Variants in GRID2IP observed in about 807,000 individuals in gnomAD.
GRID2IP encodes Grid2 interacting protein, also known as delphilin.
GRID2IP carries 78 observed loss-of-function variants against 114.3 expected under a neutral mutation model. That is an observed-to-expected ratio of 0.68 (90% CI 0.57 to 0.82). The LOEUF is 0.82. Ranked by LOEUF, GRID2IP falls within the 40% of genes least tolerant of loss-of-function variation. The pLI is 0.00. For synonymous variants in GRID2IP, 809 were observed against 724.0 expected (o/e 1.12, Z -1.89); for missense variants, 1,727 against 1,678.5 (o/e 1.03, Z -0.51).
At position 6,517,060 on chromosome 7, in the gene GRID2IP, C is replaced by CT. The variant is rs762838622; in HGVS notation, c.1269-2532dup. ...ATCTCTTTGTCTTGTGTCTTTCTTT[C>CT]TTTTTTTTTTTTTTGAGACAGTCTG... On this transcript the variant is annotated intron_variant, in intron 7 of 21. Coordinates refer to ENST00000457091, the MANE Select transcript of GRID2IP (RefSeq NM_001145118.2). Among the ~76,000 whole-genome samples the CT allele has an allele frequency of 6.7e-3, 964 of 142,846 alleles. 9 individuals carry two copies. The highest frequency in any genetic ancestry group is 0.019 in the African/African-American group (762 of 39,094). The allele number at this position is 142,846 out of a possible 152,430, so 93.7% of individuals were successfully genotyped here.
chr7:6,503,386 G>C (rs556135435), intron 16 of GRID2IP, 105 bp downstream of exon 16: 20,993 of 1,169,742 alleles, frequency 0.018, 251 homozygotes, highest in Non-Finnish European at 0.022. Flanking sequence ...AGGCTTGGGC[G>C]CAATGGCGGC....
At position 6,520,909 on chromosome 7, in the gene GRID2IP, A is replaced by G; in HGVS notation, c.1085-148T>C. On this transcript the variant is annotated intron_variant, in intron 6 of 21. Transcript: ENST00000457091. The surrounding 1 kb of genome is among the most constrained non-coding windows in gnomAD (Gnocchi z 4.6). ...TGGGAAGGCATGCCTGTGGCCCGAC[A>G]CCGGGGCCAAGGATAGAGGGAGTCA... is the stretch of plus-strand genomic sequence containing the variant. 1.3e-6 allele frequency: 1 copy of G among 740,826 alleles called. No individual in the cohort carries two copies. Among genetic ancestry groups the G allele is most frequent in the South Asian group, 1.8e-5 (1 of 55,036 alleles). The allele number at this position is 740,826 out of a possible 1,614,324, so 45.9% of individuals were successfully genotyped here. A position where few individuals can be genotyped will look rare whatever the true frequency, so the allele number is the denominator to read the frequency against.
At chr7:6,541,238 A>T (rs1779812047) in intron 1 of GRID2IP, among the ~76,000 whole-genome samples, 1 of 152,196 alleles carries the variant, frequency 6.6e-6, no homozygotes, top group African/African-American at 2.4e-5. Flanking sequence ...TGACGGCGTC[A>T]CGGGGTGAAA....
In GRID2IP at chr7:6,508,976, C is replaced by T. The variant is rs373403316; in HGVS notation, c.2109G>A (p.Pro703=). ...RVTIVDDFLT[P]ENDYEEMSFH... ...TGCCCACCTCCTCGTAGTCGTTCTC[C>T]GGGGTCAGGAAATCATCCACGATGG... The change falls in exon 12 of 22, where the codon CCG becomes CCA. Residue 703 remains proline (P), a synonymous_variant. Coordinates refer to ENST00000457091, the MANE Select transcript of GRID2IP (RefSeq NM_001145118.2). The surrounding 1 kb of genome is among the most constrained non-coding windows in gnomAD (Gnocchi z 5.6). The T allele has an allele frequency of 4.2e-4, 652 of 1,547,664 alleles. 5 individuals carry two copies. In the African/African-American group the frequency reaches 8.1e-3, roughly 19 times the overall value.
rs369568761 is a variant in GRID2IP at position 6,497,809 on chromosome 7, G to A, written c.3601C>T (p.Arg1201Cys). 15 of 1,550,116 alleles carry A rather than the reference G, an allele frequency of 9.7e-6. No individual in the cohort carries two copies. Among genetic ancestry groups the A allele is most frequent in the South Asian group, 2.4e-5 (2 of 84,010 alleles). ...AGGGGTGAAACCATCCCGGAGCTGC[G>A]CAGGCCCTCCCCGGCCTGCAGGTCA... is the stretch of plus-strand genomic sequence containing the variant. ...LSDLQAGEGL[R>C]SSGMVSPLAW The change falls in exon 22 of 22, where the codon CGC becomes TGC. Residue 1201 changes from arginine to cysteine, a missense_variant. Physicochemically the swap from Arg to Cys is radical, Grantham distance 180 (BLOSUM62 -3). Coordinates refer to ENST00000457091, the MANE Select transcript of GRID2IP (RefSeq NM_001145118.2).
Position 6,536,890 on chromosome 7 carries a change from G to T in GRID2IP, c.584+2828C>A. The T allele has an allele frequency of 1.5e-6, 1 of 645,698 alleles. No individual in the cohort carries two copies. Among genetic ancestry groups the T allele is most frequent in the South Asian group, 1.6e-5 (1 of 61,794 alleles). 40.0% of individuals were successfully genotyped at this position (645,698 alleles called of 1,614,324 possible). On this transcript the variant is annotated intron_variant, in intron 2 of 21. Transcript: ENST00000457091. This position sits in a 1 kb window ranked among gnomAD's most constrained non-coding sequence, Gnocchi z 5.3. The stretch of plus-strand genomic sequence containing the variant: ...GTCGCCTATGCTCCGCTGCAGAGCC[G>T]AGAGCTGCGCCGGGGCTGGGGTGGG...
intron 1 of GRID2IP, among the ~76,000 whole-genome samples, chr7:6,549,970 C>T (rs1032138830): frequency 9.9e-5 from 15 of 151,814 alleles, no homozygotes; most frequent in Non-Finnish European, 2.2e-4. Context: ...GGCCAAGAAG[C>T]GATATCTGTG....
Position 6,549,515 on chromosome 7 carries a change from G to T in GRID2IP, c.429+1493C>A, listed in dbSNP as rs149924603. 4.2e-3 allele frequency among the ~76,000 whole-genome samples: 647 copies of T among 152,332 alleles called. 8 individuals are homozygous for T. The highest frequency in any genetic ancestry group is 3.9e-3 in the Non-Finnish European group (264 of 68,028). ...GGCAGATTGGTGAAGCCAAACTAGG[G>T]CCTCCTGCAGCCAACAAGCCAGCCA... On this transcript the variant is annotated intron_variant, in intron 1 of 21. Coordinates refer to ENST00000457091, the MANE Select transcript of GRID2IP (RefSeq NM_001145118.2).
intron 4 of GRID2IP, among the ~76,000 whole-genome samples, chr7:6,525,554 A>G (rs559172602): frequency 3.3e-5 from 5 of 152,048 alleles, no homozygotes; most frequent in East Asian, 1.9e-4. Context: ...GCTACACTTG[A>G]GCCTCGGAGA....
chr7:6,513,794 T>A (rs2115061739), intron 8 of GRID2IP, among the ~76,000 whole-genome samples: 1 of 152,152 alleles, frequency 6.6e-6, no homozygotes, highest in African/African-American at 2.4e-5. Context: ...TAAGACCTCA[T>A]AGGTGAGGCC....
At chr7:6,511,222 C>G (rs1440265190) in intron 8 of GRID2IP, among the ~76,000 whole-genome samples, 183 bp from the exon 9 acceptor site, 2 of 150,818 alleles carry the variant, frequency 1.3e-5, no homozygotes, top group Admixed American at 1.3e-4. Flanking sequence ...AACCAGGTGC[C>G]AGGAGCAGCA....
chr7:6,546,977 A>G (rs1779898505), intron 1 of GRID2IP, among the ~76,000 whole-genome samples: 1 of 152,194 alleles, frequency 6.6e-6, no homozygotes, highest in Admixed American at 6.5e-5. Context: ...CTGGACACAC[A>G]TTAGACTACA....
intron 1 of GRID2IP, among the ~76,000 whole-genome samples, chr7:6,549,610 T>C (rs1562527373): frequency 6.6e-6 from 1 of 152,046 alleles, no homozygotes; most frequent in Non-Finnish European, 1.5e-5. Context: ...TCTTTTACAT[T>C]TTTTTGGAGG....
chr7:6,527,864 T>C lies in GRID2IP; in HGVS notation c.585-1095A>G, dbSNP rs539940179. 3.3e-5 allele frequency among the ~76,000 whole-genome samples: 5 copies of C among 151,544 alleles called. No homozygotes were observed. In the East Asian group the frequency reaches 9.7e-4, roughly 29 times the overall value. On this transcript the variant is annotated intron_variant, in intron 2 of 21. Transcript: ENST00000457091. The stretch of plus-strand genomic sequence containing the variant: ...ACCTCCACCTCCCCAGTTCAAGCAA[T>C]TCTTCTGCCTCAGCCTCCCGAGTAG...
At chr7:6,543,007 T>A (rs1052708283) in intron 1 of GRID2IP, among the ~76,000 whole-genome samples, 3 of 152,104 alleles carry the variant, frequency 2.0e-5, no homozygotes, top group Non-Finnish European at 4.4e-5. Flanking sequence ...GAACTGGGGC[T>A]GTCAGGCCCC....
At position 6,505,903 on chromosome 7, in the gene GRID2IP, C is replaced by G; in HGVS notation, c.2549G>C (p.Gly850Ala). Reference protein sequence around the residue: ...NSEGTIWGQLGEDSDYDKLSD... With the variant: ...NSEGTIWGQLAEDSDYDKLSD... ...CAGCTTATCGTAGTCAGAGTCTTCC[C>G]CGAGCTGCGAGGGAGGATGGGAGGT... is the stretch of plus-strand genomic sequence containing the variant. Residue 850 changes from glycine to alanine, a missense_variant, in exon 14 of 22, where the codon GGG (glycine) becomes GCG (alanine). Transcript: ENST00000457091. 1 of 1,551,092 alleles carries G rather than the reference C, an allele frequency of 6.4e-7. No individual in the cohort carries two copies. Among genetic ancestry groups the G allele is most frequent in the Non-Finnish European group, 8.7e-7 (1 of 1,146,288 alleles).
At chr7:6,503,277 G>C in intron 16 of GRID2IP, 114 bp from the exon 17 acceptor site, 1 of 1,186,778 alleles carries the variant, frequency 8.4e-7, no homozygotes. Flanking sequence ...CCGATATTCC[G>C]GTAGGAAGAA....
Position 6,534,434 on chromosome 7 carries a change from G to A in GRID2IP, c.584+5284C>T, listed in dbSNP as rs1289543602. Among the ~76,000 whole-genome samples, 1 of 152,158 alleles carries A rather than the reference G, an allele frequency of 6.6e-6. No individual in the cohort carries two copies. Among genetic ancestry groups the A allele is most frequent in the Non-Finnish European group, 1.5e-5 (1 of 68,026 alleles). On this transcript the variant is annotated intron_variant, in intron 2 of 21. Transcript: ENST00000457091. The surrounding 1 kb of genome is among the most constrained non-coding windows in gnomAD (Gnocchi z 4.5). ...CACTTCATCAGACCGGGGTCCCTTT[G>A]GGGAGAGACCCAAATTAGCCTCCCA...
rs1779462991 is a variant in GRID2IP, at chr7:6,524,165, C to T, written c.919+2059G>A. Among the ~76,000 whole-genome samples, 6 of 152,200 alleles carry T rather than the reference C, an allele frequency of 3.9e-5. 1 individual carries two copies. Among genetic ancestry groups the T allele is most frequent in the South Asian group, 2.1e-4 (1 of 4,810 alleles). ...GCCTCAGTTTCCCCCTTTGTAAAAG[C>T]GTCCATCTAAGCATCCATTTGGCTT... On this transcript the variant is annotated intron_variant, in intron 4 of 21. Transcript: ENST00000457091.
Sources: gnomAD v4.1 joint callset for allele counts (sites outside exome capture counted in the v4.1 genomes callset) on GRCh38, gnomAD v4.1.1 for gene constraint, Gnocchi (gnomAD v3.1) non-coding constraint, MANE v1.5 for transcripts, NCBI Gene and HGNC (gene_info 2026-07-23, HGNC 2026-07-21) for gene names.